RAPH1: variants seen among roughly 807,000 people sequenced by gnomAD.
RAPH1 encodes Ras association (RalGDS/AF-6) and pleckstrin homology domains 1.
Under a neutral mutation model 88.1 loss-of-function variants are expected in RAPH1, and 18 were observed. That is an observed-to-expected ratio of 0.20 (90% CI 0.14 to 0.30). The LOEUF is 0.30. Among genes scored for constraint, RAPH1 ranks in the 10% least tolerant of loss-of-function variants. RAPH1 has a pLI of 1.00. For missense variants in RAPH1, 1,448 were observed against 1,543.2 expected (o/e 0.94, Z 1.03); for synonymous variants, 587 against 559.0 (o/e 1.05, Z -0.71).
intron 4 of RAPH1, among the ~76,000 whole-genome samples, chr2:203,470,742 G>C (rs567848204): frequency 1.8e-3 from 280 of 152,318 alleles, no homozygotes; most frequent in African/African-American, 6.6e-3. Flanking sequence ...ATTTCGGTTA[G>C]AATAAGACGA....
chr2:203,477,979 A>C (rs1320195183), intron 4 of RAPH1, among the ~76,000 whole-genome samples: 4 of 150,990 alleles, frequency 2.6e-5, no homozygotes, highest in African/African-American at 9.7e-5. Context: ...TAAAGCCTTC[A>C]TCCTTTGAGT....
rs5837857 is a variant in RAPH1 at position 203,505,441 on chromosome 2, A to ACCCCC, written c.1-10093_1-10089dup. On this transcript the variant is annotated intron_variant, in intron 1 of 13. Coordinates refer to ENST00000319170, the MANE Select transcript of RAPH1 (RefSeq NM_213589.3). ...AAAGACTGGCCGCCATGATTAAATTACCCCCCCCGGGTCCCTCCCACAACA... is the reference window on the plus strand; with the variant it reads ...AAAGACTGGCCGCCATGATTAAATTACCCCCCCCCCCCCGGGTCCCTCCCACAACA... Among the ~76,000 whole-genome samples the ACCCCC allele has an allele frequency of 4.0e-5, 6 of 150,726 alleles. No individual in the cohort carries two copies. The East Asian group carries it at 1.2e-3, about 29-fold the overall frequency.
intron 1 of RAPH1, among the ~76,000 whole-genome samples, chr2:203,521,737 C>A (rs77317676): frequency 6.6e-6 from 1 of 152,006 alleles, no homozygotes; most frequent in South Asian, 2.1e-4. Flanking sequence ...AACACCCCCC[C>A]ACACATTATA....
At chr2:203,506,758 C>CTA (rs1436755024) in intron 1 of RAPH1, among the ~76,000 whole-genome samples, 42 of 104,146 alleles carry the variant, frequency 4.0e-4, no homozygotes, top group East Asian at 1.5e-3. Context: ...ATATATATAT[C>CTA]TATATATATA....
rs2098498336 is a variant in RAPH1 at position 203,436,173 on chromosome 2, T to TG, written c.*3263dup. The TG allele has an allele frequency of 6.6e-6, 1 of 152,234 alleles. No individual in the cohort carries two copies. The highest frequency in any genetic ancestry group is 1.5e-5 in the Non-Finnish European group (1 of 68,040). 9.4% of individuals were successfully genotyped at this position (152,234 alleles called of 1,614,324 possible). ...TTCACCAAGATAGTTCACAGCCCTTTGCAGGATATGCCTTTGGTGGGTGGG... is the reference window on the plus strand; with the variant it reads ...TTCACCAAGATAGTTCACAGCCCTTTGGCAGGATATGCCTTTGGTGGGTGGG... On this transcript the variant is annotated 3_prime_UTR_variant, in exon 14 of 14. Coordinates refer to ENST00000319170, the MANE Select transcript of RAPH1 (RefSeq NM_213589.3).
rs757650371 is a variant in RAPH1 at position 203,440,705 on chromosome 2, G to A, written c.2485C>T (p.Pro829Ser). 4.4e-6 allele frequency: 7 copies of A among 1,600,238 alleles called. No individual in the cohort carries two copies. Among genetic ancestry groups the A allele is most frequent in the Non-Finnish European group, 4.3e-6 (5 of 1,172,906 alleles). Residue 829 changes from proline to serine, a missense_variant, in exon 14 of 14, where the codon CCT (proline) becomes TCT (serine). By Grantham distance (74) the Pro-to-Ser change is moderately conservative. This residue lies in a region of RAPH1 where 935 missense variants were observed against 890.1 expected (regional missense o/e 1.05). Coordinates refer to ENST00000319170, the MANE Select transcript of RAPH1 (RefSeq NM_213589.3). ...FPASYIPPSPPTPPVPVPPPT... is the reference protein window; with the variant it reads ...FPASYIPPSPSTPPVPVPPPT... ...GGGGGTACTGGAACAGGAGGGGTAG[G>A]GGGAGAGGGTGGAATGTAAGAAGCA... is the stretch of plus-strand genomic sequence containing the variant.
chr2:203,512,035 C>G (rs1263476659), intron 1 of RAPH1, among the ~76,000 whole-genome samples: 2 of 151,870 alleles, frequency 1.3e-5, no homozygotes, highest in Non-Finnish European at 2.9e-5. Flanking sequence ...ATCGCTTGAA[C>G]TCAGGAGGCA....
chr2:203,437,943 A>T lies in RAPH1; in HGVS notation c.*1494T>A, dbSNP rs2098499795. The T allele has an allele frequency of 3.1e-6, 1 of 323,150 alleles. No individual in the cohort carries two copies. The highest frequency in any genetic ancestry group is 4.3e-5 in the Admixed American group (1 of 23,194). The allele number at this position is 323,150 out of a possible 1,614,324, so 20.0% of individuals were successfully genotyped here. On this transcript the variant is annotated 3_prime_UTR_variant, in exon 14 of 14. Transcript: ENST00000319170. ...TTAGGAGCTGCTCTGAGATTGTTTT[A>T]TTCCTAATAGTCCAATTTATCATAA... is the stretch of plus-strand genomic sequence containing the variant.
chr2:203,481,930 A>C (rs1453625636), intron 4 of RAPH1, among the ~76,000 whole-genome samples: 1 of 151,576 alleles, frequency 6.6e-6, no homozygotes, highest in African/African-American at 2.4e-5. Context: ...TATTGTCTAA[A>C]AAAAAGGTCC....
At chr2:203,485,692 G>C (rs1687935991) in intron 4 of RAPH1, among the ~76,000 whole-genome samples, 1 of 152,194 alleles carries the variant, frequency 6.6e-6, no homozygotes, top group African/African-American at 2.4e-5. Context: ...ACCTAGAGCA[G>C]TGGTGATTCT....
intron 1 of RAPH1, among the ~76,000 whole-genome samples, chr2:203,528,533 C>T (rs1690230580): frequency 6.6e-6 from 1 of 152,046 alleles, no homozygotes. Flanking sequence ...GGCACTTCTT[C>T]TTTTTGGATA....
At position 203,439,226 on chromosome 2, in the gene RAPH1, T is replaced by C. The variant is rs1240736674; in HGVS notation, c.*211A>G. On this transcript the variant is annotated 3_prime_UTR_variant, in exon 14 of 14. Transcript: ENST00000319170. The stretch of plus-strand genomic sequence containing the variant: ...AGAATAACTCTCAGCTCTCTCTCTA[T>C]ATACACATACACATACATATATGTA... 1 of 527,048 alleles carries C rather than the reference T, an allele frequency of 1.9e-6. No homozygotes were observed. The highest frequency in any genetic ancestry group is 1.9e-5 in the African/African-American group (1 of 53,084). 32.6% of individuals were successfully genotyped at this position (527,048 alleles called of 1,614,324 possible).
chr2:203,495,629 G>A (rs1477366193), intron 1 of RAPH1, among the ~76,000 whole-genome samples: 5 of 151,974 alleles, frequency 3.3e-5, no homozygotes, highest in Admixed American at 3.3e-4. Context: ...AAAATTAACA[G>A]AGCACCCCTT....
chr2:203,452,369 A>G (rs1190137340), intron 10 of RAPH1, among the ~76,000 whole-genome samples: 1 of 152,226 alleles, frequency 6.6e-6, no homozygotes, highest in East Asian at 1.9e-4. Context: ...CTTTCTCAAT[A>G]CTAGAAAGCG....
intron 1 of RAPH1, among the ~76,000 whole-genome samples, chr2:203,511,404 C>T (rs1301486638): frequency 1.3e-5 from 2 of 152,090 alleles, no homozygotes; most frequent in African/African-American, 4.8e-5. Flanking sequence ...TTCTGCAATG[C>T]ACTTTAGCTT....
At chr2:203,505,697 C>T (rs1688956899) in intron 1 of RAPH1, among the ~76,000 whole-genome samples, 1 of 151,606 alleles carries the variant, frequency 6.6e-6, no homozygotes, top group South Asian at 2.1e-4. Context: ...TGAAAAACAA[C>T]AAATAATTGA....
chr2:203,456,425 C>G (rs2098519656), intron 8 of RAPH1, among the ~76,000 whole-genome samples: 2 of 152,178 alleles, frequency 1.3e-5, no homozygotes, highest in South Asian at 4.2e-4. Context: ...TTATGTGACT[C>G]TAAGACAAAG....
At chr2:203,520,677 C>T (rs1208896151) in intron 1 of RAPH1, among the ~76,000 whole-genome samples, 1 of 150,984 alleles carries the variant, frequency 6.6e-6, no homozygotes, top group Non-Finnish European at 1.5e-5. Context: ...AATAACCATA[C>T]TTCTAGAAAC....
intron 4 of RAPH1, among the ~76,000 whole-genome samples, chr2:203,486,204 G>A (rs191540295): frequency 3.7e-4 from 56 of 152,188 alleles, no homozygotes; most frequent in Admixed American, 9.2e-4. Context: ...GAGAAAGTCT[G>A]AAGTTGAAAC....
Sources: gnomAD v4.1 joint callset for allele counts (sites outside exome capture counted in the v4.1 genomes callset) on GRCh38, gnomAD v4.1.1 for gene constraint, gnomAD v4.1.1 regional missense constraint, MANE v1.5 for transcripts, NCBI Gene and HGNC (gene_info 2026-07-23, HGNC 2026-07-21) for gene names.